Variants in LOXL1 observed in about 807,000 individuals in gnomAD.
The protein encoded by LOXL1 is lysyl oxidase homolog 1.
Under a neutral mutation model 62.2 loss-of-function variants are expected in LOXL1, and 31 were observed. The ratio of observed to expected loss-of-function variants is 0.50; its 90% CI spans 0.37 to 0.67. The LOEUF is 0.67. LOXL1 is among the 30% of genes least tolerant of loss of function. LOXL1 has a pLI of 0.00. For missense variants in LOXL1, 775 were observed against 843.4 expected, an observed-to-expected ratio of 0.92 and a Z score of 1.00; for synonymous variants, 403 against 384.4, an observed-to-expected ratio of 1.05 and a Z score of -0.56.
At chr15:73,938,867 C>A (rs963908960) in intron 1 of LOXL1, among the ~76,000 whole-genome samples, 3 of 152,136 alleles carry the variant, frequency 2.0e-5, no homozygotes, top group African/African-American at 7.2e-5. Context: ...GACAACAGAG[C>A]AAGACCCTGT....
intron 1 of LOXL1, among the ~76,000 whole-genome samples, chr15:73,939,516 T>C (rs9944214): frequency 0.67 from 101,890 of 152,054 alleles, 34,580 homozygotes; most frequent in Middle Eastern, 0.79. Flanking sequence ...TACAAAATAA[T>C]GGTAAGAGTG....
intron 1 of LOXL1, among the ~76,000 whole-genome samples, chr15:73,937,140 C>T (rs2068679198): frequency 6.6e-6 from 1 of 152,188 alleles, no homozygotes; most frequent in African/African-American, 2.4e-5. Context: ...TCCTCCGGTT[C>T]CCGAGGGCGG....
chr15:73,926,820 C>A lies in LOXL1; in HGVS notation c.37C>A (p.Leu13Met), dbSNP rs2068581138. 1 of 1,509,000 alleles carries A rather than the reference C, an allele frequency of 6.6e-7. No homozygotes were observed. The highest frequency in any genetic ancestry group is 8.9e-7 in the Non-Finnish European group (1 of 1,127,770). 93.5% of individuals were successfully genotyped at this position (1,509,000 alleles called of 1,614,324 possible). ...LARGSRQLGA[L>M]VWGACLCVLV... ...CCGAGGCAGCCGGCAGCTGGGGGCC[C>A]TGGTGTGGGGCGCCTGCCTGTGCGT... Residue 13 changes from leucine to methionine, a missense_variant, in exon 1 of 7, where the codon CTG becomes ATG. Coordinates refer to ENST00000261921, the MANE Select transcript of LOXL1 (RefSeq NM_005576.4).
chr15:73,949,389 C>A, intron 5 of LOXL1, 70 bp from the exon 6 acceptor site: 1 of 877,950 alleles, frequency 1.1e-6, no homozygotes, highest in Non-Finnish European at 2.0e-6. Context: ...TTACCACCTT[C>A]TCTGGTGAGC....
chr15:73,935,744 A>G (rs1171364965), intron 1 of LOXL1, among the ~76,000 whole-genome samples: 1 of 152,194 alleles, frequency 6.6e-6, no homozygotes, highest in African/African-American at 2.4e-5. Flanking sequence ...CCTCCTGGGC[A>G]GCTGGCGCAA....
chr15:73,927,771 C>T lies in LOXL1; in HGVS notation c.988C>T (p.Pro330Ser), dbSNP rs1308963221. The T allele has an allele frequency of 7.0e-7, 1 of 1,435,218 alleles. No homozygotes were observed. The highest frequency in any genetic ancestry group is 2.8e-5 in the Admixed American group (1 of 35,664). The allele number at this position is 1,435,218 out of a possible 1,614,324, so 88.9% of individuals were successfully genotyped here. A position where few individuals can be genotyped will look rare whatever the true frequency, so the allele number is the denominator to read the frequency against. Residue 330 changes from proline (P) to serine (S), a missense_variant, in exon 1 of 7, where the codon CCC becomes TCC. Coordinates refer to ENST00000261921, the MANE Select transcript of LOXL1 (RefSeq NM_005576.4). ...AYGPPRALEPPYLPVRSSDTP... is the reference protein window; with the variant it reads ...AYGPPRALEPSYLPVRSSDTP... ...CGGGCCGCCGCGCGCGCTGGAGCCG[C>T]CCTACCTGCCGGTGCGCAGCTCCGA...
intron 1 of LOXL1, 154 bp downstream of exon 1, chr15:73,928,039 C>G (rs938261057): frequency 5.2e-5 from 30 of 575,510 alleles, no homozygotes; most frequent in Non-Finnish European, 7.0e-5. Context: ...CCCGACCCAG[C>G]CAACAGCACC....
At chr15:73,946,384 A>T in intron 2 of LOXL1, 33 bp from the exon 3 acceptor site, 1 of 1,337,234 alleles carries the variant, frequency 7.5e-7, no homozygotes. Context: ...ACTGTGCCCC[A>T]ACCCCCCCTC....
rs187540811 is a variant in LOXL1 at position 73,945,074 on chromosome 15, G to T, written c.1212-1343G>T. On this transcript the variant is annotated intron_variant, in intron 2 of 6. Coordinates refer to ENST00000261921, the MANE Select transcript of LOXL1 (RefSeq NM_005576.4). The surrounding 1 kb of genome is among the most constrained non-coding windows in gnomAD (Gnocchi z 4.3). ...ACCCCTTCCTGTTCCTACCACACAT[G>T]TGTGTGCATGTGTGTGTATGTGTGC... Among the ~76,000 whole-genome samples, 8 of 152,194 alleles carry T rather than the reference G, an allele frequency of 5.3e-5. No individual in the cohort carries two copies. In the East Asian group the frequency reaches 1.5e-3, roughly 29 times the overall value.
chr15:73,937,080 CT>C (rs1174370268), intron 1 of LOXL1, among the ~76,000 whole-genome samples: 31 of 152,218 alleles, frequency 2.0e-4, no homozygotes, highest in Non-Finnish European at 7.3e-5. Flanking sequence ...AGCTTCCCCC[CT>C]GAGAAGGCCC....
chr15:73,938,973 G>T (rs534764071), intron 1 of LOXL1, among the ~76,000 whole-genome samples: 1 of 152,230 alleles, frequency 6.6e-6, no homozygotes, highest in South Asian at 2.1e-4. Flanking sequence ...ACTTTTTGAG[G>T]TGAGGGCTGA....
At chr15:73,942,330 C>T (rs900981296) in intron 1 of LOXL1, among the ~76,000 whole-genome samples, 1 of 151,974 alleles carries the variant, frequency 6.6e-6, no homozygotes, top group African/African-American at 2.4e-5. Context: ...GCCCATGAAC[C>T]TTCAGGGACA....
chr15:73,930,473 A>G lies in LOXL1; in HGVS notation c.1102+2588A>G, dbSNP rs968074616. On this transcript the variant is annotated intron_variant, in intron 1 of 6. Coordinates refer to ENST00000261921, the MANE Select transcript of LOXL1 (RefSeq NM_005576.4). The surrounding 1 kb of genome is among the most constrained non-coding windows in gnomAD (Gnocchi z 4.7). Reference sequence around the variant, plus strand: ...CTCCCTCCCCACCCTGCTAGGCCAGACCGTGGAAAATCCCAGCCCAGGGAA... The same window carrying G: ...CTCCCTCCCCACCCTGCTAGGCCAGGCCGTGGAAAATCCCAGCCCAGGGAA... Among the ~76,000 whole-genome samples the G allele has an allele frequency of 1.3e-5, 2 of 152,132 alleles. No homozygotes were observed. Among genetic ancestry groups the G allele is most frequent in the Admixed American group, 1.3e-4 (2 of 15,284 alleles).
At chr15:73,948,579 G>A (rs891360375) in intron 5 of LOXL1, among the ~76,000 whole-genome samples, 64 of 152,322 alleles carry the variant, frequency 4.2e-4, no homozygotes, top group Admixed American at 2.0e-4. Context: ...GCTCAGTAAA[G>A]GCAGAGCAGT....
chr15:73,938,318 G>T (rs146623356), intron 1 of LOXL1, among the ~76,000 whole-genome samples: 516 of 29,348 alleles, frequency 0.018, 2 homozygotes, highest in African/African-American at 0.037. Context: ...TATCTATCTA[G>T]GTAGATAGAT....
At position 73,936,481 on chromosome 15, in the gene LOXL1, C is replaced by T. The variant is rs116923177; in HGVS notation, c.1103-6373C>T. On this transcript the variant is annotated intron_variant, in intron 1 of 6. Transcript: ENST00000261921. The stretch of plus-strand genomic sequence containing the variant: ...TAGGGGCTCCTCTGGAGTCTGGCTG[C>T]GCTAGCCAAAACATCCCGCTCAGCA... Among the ~76,000 whole-genome samples, 1,009 of 152,336 alleles carry T rather than the reference C, an allele frequency of 6.6e-3. 5 individuals are homozygous for T. Among genetic ancestry groups the T allele is most frequent in the Non-Finnish European group, 8.6e-3 (582 of 68,034 alleles).
chr15:73,946,655 C>T, intron 3 of LOXL1, 101 bp downstream of exon 3: 1 of 1,380,276 alleles, frequency 7.2e-7, no homozygotes, highest in Non-Finnish European at 9.8e-7. Flanking sequence ...CTGGGAGACA[C>T]AGATACTGGA....
chr15:73,942,846 C>T lies in LOXL1; in HGVS notation c.1103-8C>T. On this transcript the variant is annotated splice_region_variant and splice_polypyrimidine_tract_variant and intron_variant, in intron 1 of 6. Transcript: ENST00000261921. ...CCCTCCCCCCTTCTCTCCCACTGCC[C>T]ACTCCAGGTCTCCCTGACTTGGTCC... 6.3e-7 allele frequency: 1 copy of T among 1,583,584 alleles called. No individual in the cohort carries two copies. Among genetic ancestry groups the T allele is most frequent in the Non-Finnish European group, 8.7e-7 (1 of 1,152,172 alleles).
At chr15:73,937,370 G>A (rs1021347329) in intron 1 of LOXL1, among the ~76,000 whole-genome samples, 3 of 152,230 alleles carry the variant, frequency 2.0e-5, no homozygotes. Flanking sequence ...TGAAGGGCAT[G>A]CTATAGCTAA....
Sources: gnomAD v4.1 joint callset for allele counts (sites outside exome capture counted in the v4.1 genomes callset) on GRCh38, gnomAD v4.1.1 for gene constraint, Gnocchi (gnomAD v3.1) non-coding constraint, MANE v1.5 for transcripts, NCBI Gene and HGNC (gene_info 2026-07-23, HGNC 2026-07-21) for gene names.